The following PTK2 variants were observed in gnomAD, a reference collection of about 807,000 sequenced individuals.
PTK2 encodes focal adhesion kinase 1.
PTK2 carries 45 observed loss-of-function variants against 150.1 expected under a neutral mutation model. The ratio of observed to expected loss-of-function variants is 0.30; its 90% CI spans 0.24 to 0.38. PTK2 has a LOEUF of 0.38. Ranked by LOEUF, PTK2 falls within the 10% of genes least tolerant of loss-of-function variation. PTK2 has a pLI of 1.00. For synonymous variants in PTK2, 432 were observed against 449.2 expected (o/e 0.96, Z 0.48); for missense variants, 919 against 1,307.3 (o/e 0.70, Z 4.58).
chr8:140,758,099 T>C (rs1460263704), intron 16 of PTK2, among the ~76,000 whole-genome samples: 1 of 152,184 alleles, frequency 6.6e-6, no homozygotes, highest in Non-Finnish European at 1.5e-5. Context: ...CTCCTACTTA[T>C]TTATTTTTTA....
chr8:140,939,740 T>C (rs1275834456), intron 1 of PTK2, among the ~76,000 whole-genome samples: 2 of 152,356 alleles, frequency 1.3e-5, no homozygotes, highest in South Asian at 2.1e-4. Flanking sequence ...ATTCACTTTA[T>C]GGTAAATCAT....
rs192327448 is a variant in PTK2 at position 140,802,591 on chromosome 8, T to C, written c.975+952A>G. Among the ~76,000 whole-genome samples, 21 of 152,322 alleles carry C rather than the reference T, an allele frequency of 1.4e-4. No individual in the cohort carries two copies. In the East Asian group the frequency reaches 3.7e-3, roughly 27 times the overall value. On this transcript the variant is annotated intron_variant, in intron 11 of 31. Transcript: ENST00000522684. ...CACAGTAATGTCGTAGATCTTCACA[T>C]TCATCCTTCACTCACTGACTCACCC...
intron 19 of PTK2, among the ~76,000 whole-genome samples, chr8:140,743,903 G>A (rs1217520368): frequency 7.9e-5 from 12 of 151,274 alleles, no homozygotes; most frequent in East Asian, 5.8e-4. Flanking sequence ...TCAGCCTCCC[G>A]AGTAGCTGGG....
At chr8:140,955,176 G>C (rs2100180815) in intron 1 of PTK2, among the ~76,000 whole-genome samples, 1 of 152,154 alleles carries the variant, frequency 6.6e-6, no homozygotes. Flanking sequence ...ATATGGTTTG[G>C]CTGTGTCCCC....
intron 1 of PTK2, among the ~76,000 whole-genome samples, chr8:140,951,928 A>G (rs1327934164): frequency 6.6e-6 from 1 of 151,730 alleles, no homozygotes; most frequent in Non-Finnish European, 1.5e-5. Flanking sequence ...TTTAAGTTCC[A>G]ATGAGCCAAT....
intron 1 of PTK2, chr8:140,954,625 C>CA (rs1351216400): frequency 6.6e-6 from 1 of 152,100 alleles, no homozygotes; most frequent in East Asian, 1.9e-4. Flanking sequence ...ACCCACTCTG[C>CA]AAAATCAACT....
chr8:140,686,039 G>GAA (rs1346708181), intron 27 of PTK2, among the ~76,000 whole-genome samples: 1 of 152,164 alleles, frequency 6.6e-6, no homozygotes, highest in Non-Finnish European at 1.5e-5. Context: ...ATACACTATG[G>GAA]AATACTATGT....
chr8:140,783,652 T>C (rs995048386), intron 14 of PTK2, among the ~76,000 whole-genome samples: 15 of 152,224 alleles, frequency 9.9e-5, no homozygotes, highest in African/African-American at 3.6e-4. Flanking sequence ...ACAAGTGAGC[T>C]GTTTTAGAAT....
At chr8:140,896,031 T>G (rs982972001) in intron 2 of PTK2, among the ~76,000 whole-genome samples, 10 of 151,944 alleles carry the variant, frequency 6.6e-5, no homozygotes, top group Non-Finnish European at 1.3e-4. Flanking sequence ...GAGAATATAA[T>G]AAGAGGTAAG....
At chr8:140,689,928 A>C (rs1023344097) in intron 26 of PTK2, among the ~76,000 whole-genome samples, 1 of 152,156 alleles carries the variant, frequency 6.6e-6, no homozygotes, top group African/African-American at 2.4e-5. Context: ...CTGTAGCAGA[A>C]AGGACAAGTT....
At chr8:140,943,403 C>T (rs561689422) in intron 1 of PTK2, among the ~76,000 whole-genome samples, 17 of 152,340 alleles carry the variant, frequency 1.1e-4, no homozygotes, top group South Asian at 4.1e-4. Flanking sequence ...TTGTTAGGTG[C>T]GTCAGCAGTT....
Position 140,705,752 on chromosome 8 carries a change from T to C in PTK2, c.2229+367A>G, listed in dbSNP as rs986874771. ...ACACTTGTCCATATGGTATTTCATC[T>C]GGGTTCTGTTAATTTTGAATTTTGT... On this transcript the variant is annotated intron_variant, in intron 24 of 31. Transcript: ENST00000522684. 3.3e-5 allele frequency among the ~76,000 whole-genome samples: 5 copies of C among 152,218 alleles called. No individual in the cohort carries two copies. In the South Asian group the frequency reaches 1.0e-3, roughly 32 times the overall value.
chr8:140,987,136 A>G (rs765432128), intron 1 of PTK2, among the ~76,000 whole-genome samples: 1 of 152,228 alleles, frequency 6.6e-6, no homozygotes, highest in Non-Finnish European at 1.5e-5. Context: ...TATCCAGAAC[A>G]TATAGAGAAC....
intron 4 of PTK2, among the ~76,000 whole-genome samples, chr8:140,870,606 T>C (rs781747635): frequency 3.3e-4 from 50 of 152,046 alleles, no homozygotes; most frequent in Non-Finnish European, 6.0e-4. Context: ...AAAATCCAGA[T>C]GAGGGGAAAC....
chr8:140,694,104 G>A (rs950545763), intron 26 of PTK2, among the ~76,000 whole-genome samples: 3 of 149,550 alleles, frequency 2.0e-5, no homozygotes, highest in Non-Finnish European at 4.4e-5. Flanking sequence ...GCAGTGGCGC[G>A]ATCTCGGCTC....
intron 2 of PTK2, among the ~76,000 whole-genome samples, chr8:140,891,176 T>A (rs1361944290): frequency 6.6e-6 from 1 of 152,130 alleles, no homozygotes; most frequent in Non-Finnish European, 1.5e-5. Context: ...AGTTCTTTCT[T>A]CATATAATAC....
intron 1 of PTK2, among the ~76,000 whole-genome samples, chr8:140,928,588 T>C (rs896105236): frequency 2.0e-5 from 3 of 152,238 alleles, no homozygotes; most frequent in Non-Finnish European, 4.4e-5. Context: ...ACATGTGGTA[T>C]ATAAATTCAA....
intron 14 of PTK2, 179 bp from the exon 17 acceptor site, chr8:140,764,469 C>A (rs2100071202): frequency 1.7e-6 from 1 of 596,432 alleles, no homozygotes; most frequent in Non-Finnish European, 3.0e-6. Flanking sequence ...AAAGTGACAT[C>A]ATTGTCCAAT....
chr8:140,758,867 C>T (rs2100067482), intron 16 of PTK2, among the ~76,000 whole-genome samples: 1 of 152,148 alleles, frequency 6.6e-6, no homozygotes, highest in African/African-American at 2.4e-5. Flanking sequence ...ATGGTAAGTG[C>T]CCTATATGAG....
Sources: gnomAD v4.1 joint callset for allele counts (sites outside exome capture counted in the v4.1 genomes callset) on GRCh38, gnomAD v4.1.1 for gene constraint, MANE v1.5 for transcripts, NCBI Gene and HGNC (gene_info 2026-07-23, HGNC 2026-07-21) for gene names.